RAB3IP: variants seen among roughly 807,000 people sequenced by gnomAD.
RAB3IP encodes rab-3A-interacting protein.
Under a neutral mutation model 59.1 loss-of-function variants are expected in RAB3IP, and 36 were observed. That is an observed-to-expected ratio of 0.61 (90% CI 0.47 to 0.80). The LOEUF is 0.80. RAB3IP is among the 30% of genes least tolerant of loss of function. The probability of loss-of-function intolerance (pLI) is 0.00; values close to 1 mark genes in which losing one functional copy is unlikely to be tolerated. For missense variants in RAB3IP, 511 were observed against 536.0 expected (o/e 0.95, Z 0.46); for synonymous variants, 207 against 191.2 (o/e 1.08, Z -0.68).
chr12:69,766,684 G>C (rs1174565034), intron 3 of RAB3IP, among the ~76,000 whole-genome samples: 1 of 151,836 alleles, frequency 6.6e-6, no homozygotes, highest in Non-Finnish European at 1.5e-5. Context: ...ACCATGCCCA[G>C]CTATTTTTTT....
intron 3 of RAB3IP, among the ~76,000 whole-genome samples, chr12:69,767,678 A>G (rs1053438584): frequency 2.0e-5 from 3 of 150,202 alleles, no homozygotes; most frequent in Admixed American, 6.6e-5. Flanking sequence ...AGCAGAGAGG[A>G]CCCCCCTATA....
At chr12:69,783,581 C>T (rs1350251841) in intron 3 of RAB3IP, among the ~76,000 whole-genome samples, 1 of 152,158 alleles carries the variant, frequency 6.6e-6, no homozygotes, top group Non-Finnish European at 1.5e-5. Context: ...CTCTTTGCTG[C>T]CTATAGGACT....
At chr12:69,775,293 C>T (rs1873721873) in intron 3 of RAB3IP, among the ~76,000 whole-genome samples, 1 of 124,312 alleles carries the variant, frequency 8.0e-6, no homozygotes, top group African/African-American at 3.1e-5. Flanking sequence ...AGTTGCTTAT[C>T]AGCTTAAGGA....
At chr12:69,802,035 G>C (rs1362245955) in intron 8 of RAB3IP, among the ~76,000 whole-genome samples, 1 of 149,776 alleles carries the variant, frequency 6.7e-6, no homozygotes, top group African/African-American at 2.5e-5. Context: ...ATATGATAGA[G>C]ATCCAGGTAA....
intron 1 of RAB3IP, among the ~76,000 whole-genome samples, chr12:69,743,653 C>G (rs1449624863): frequency 1.3e-5 from 2 of 152,212 alleles, no homozygotes; most frequent in Non-Finnish European, 2.9e-5. Flanking sequence ...TCAGTTCACA[C>G]AGCTTGTCAG....
In RAB3IP at chr12:69,795,573, AGTAT is replaced by A. The variant is rs1206094888; in HGVS notation, c.888+230_888+233del. 33 of 586,804 alleles carry A rather than the reference AGTAT, an allele frequency of 5.6e-5. No individual in the cohort carries two copies. In the East Asian group the frequency reaches 8.6e-4, roughly 15 times the overall value. The allele number at this position is 586,804 out of a possible 1,614,324, so 36.3% of individuals were successfully genotyped here. ...GAAACTTGGTAAGTTTCTTAATCTCAGTATTTCATTAAGGGAGGAAACTGTCATG... is the reference window on the plus strand; with the variant it reads ...GAAACTTGGTAAGTTTCTTAATCTCATTCATTAAGGGAGGAAACTGTCATG... On this transcript the variant is annotated intron_variant, in intron 6 of 10. Coordinates refer to ENST00000247833, the MANE Select transcript of RAB3IP (RefSeq NM_022456.5).
chr12:69,819,045 A>G lies in RAB3IP; in HGVS notation c.*3599A>G, dbSNP rs1400955771. 5 of 152,186 alleles carry G rather than the reference A, an allele frequency of 3.3e-5. No individual in the cohort carries two copies. The highest frequency in any genetic ancestry group is 9.7e-5 in the African/African-American group (4 of 41,442). 9.4% of individuals were successfully genotyped at this position (152,186 alleles called of 1,614,324 possible). On this transcript the variant is annotated 3_prime_UTR_variant, in exon 11 of 11. Transcript: ENST00000247833. The stretch of plus-strand genomic sequence containing the variant: ...ATGATTTCACCTGTGAATAGCTACT[A>G]TATTCCAACCTGGGCAACGTAGACC...
chr12:69,797,329 G>T (rs1290925717), intron 6 of RAB3IP, among the ~76,000 whole-genome samples: 1 of 152,176 alleles, frequency 6.6e-6, no homozygotes, highest in African/African-American at 2.4e-5. Flanking sequence ...TTGCACAGTT[G>T]TGAGGATTAA....
In RAB3IP at chr12:69,810,394, G is replaced by A. The variant is rs540887422; in HGVS notation, c.1131-2384G>A. On this transcript the variant is annotated intron_variant, in intron 8 of 10. Coordinates refer to ENST00000247833, the MANE Select transcript of RAB3IP (RefSeq NM_022456.5). ...TGCCTGTTCTCAGATCTCAAGCTGC[G>A]TGCTGGGAGAACCACTGCTCTCTTC... Among the ~76,000 whole-genome samples, 369 of 152,276 alleles carry A rather than the reference G, an allele frequency of 2.4e-3. 2 individuals are homozygous for A. The highest frequency in any genetic ancestry group is 4.5e-3 in the Non-Finnish European group (307 of 68,022).
At chr12:69,751,219 C>G (rs981017138) in intron 1 of RAB3IP, among the ~76,000 whole-genome samples, 1 of 152,026 alleles carries the variant, frequency 6.6e-6, no homozygotes, top group African/African-American at 2.4e-5. Context: ...AGATATTATC[C>G]TTTTTGATGT....
At chr12:69,745,873 T>TA (rs1459864692) in intron 1 of RAB3IP, among the ~76,000 whole-genome samples, 1 of 152,234 alleles carries the variant, frequency 6.6e-6, no homozygotes, top group Non-Finnish European at 1.5e-5. Context: ...AGTTAGGTGT[T>TA]AGAGTCAGAC....
At chr12:69,798,243 G>T (rs1442743376) in intron 6 of RAB3IP, among the ~76,000 whole-genome samples, 7 of 152,162 alleles carry the variant, frequency 4.6e-5, no homozygotes, top group Non-Finnish European at 8.8e-5. Context: ...GTATCTCATT[G>T]TGGTTTTGAT....
chr12:69,794,575 C>T (rs1877152075), intron 5 of RAB3IP, 61 bp downstream of exon 5: 3 of 1,285,978 alleles, frequency 2.3e-6, no homozygotes, highest in Admixed American at 2.1e-5. Flanking sequence ...TTAAAGATAC[C>T]TTAACATCTG....
chr12:69,804,492 T>G, intron 8 of RAB3IP, among the ~76,000 whole-genome samples: 1 of 152,252 alleles, frequency 6.6e-6, no homozygotes. Flanking sequence ...AGAAGCTCTT[T>G]AGTTTAATTA....
At chr12:69,757,041 G>A (rs1298307875) in intron 3 of RAB3IP, among the ~76,000 whole-genome samples, 2 of 152,244 alleles carry the variant, frequency 1.3e-5, no homozygotes, top group African/African-American at 4.8e-5. Flanking sequence ...AAGTCATTTT[G>A]TTTTGAGTTT....
At position 69,748,941 on chromosome 12, in the gene RAB3IP, A is replaced by G. The variant is rs1203392700; in HGVS notation, c.-25-6443A>G. ...TTTATGTGCTTGAAAAAGGGATTAA[A>G]TTTAATCTCAAAATAATCTCCTTTT... On this transcript the variant is annotated intron_variant, in intron 1 of 10. Coordinates refer to ENST00000247833, the MANE Select transcript of RAB3IP (RefSeq NM_022456.5). Among the ~76,000 whole-genome samples the G allele has an allele frequency of 2.0e-5, 3 of 152,320 alleles. No homozygotes were observed. The East Asian group carries it at 5.8e-4, about 29-fold the overall frequency.
At chr12:69,810,312 G>C (rs1880221463) in intron 8 of RAB3IP, among the ~76,000 whole-genome samples, 1 of 152,166 alleles carries the variant, frequency 6.6e-6, no homozygotes, top group Admixed American at 6.5e-5. Context: ...GCCCCTACTG[G>C]GGGGTGCCTC....
At chr12:69,743,760 G>A (rs148967786) in intron 1 of RAB3IP, among the ~76,000 whole-genome samples, 2 of 152,198 alleles carry the variant, frequency 1.3e-5, no homozygotes, top group Non-Finnish European at 2.9e-5. Context: ...TGATACTCTC[G>A]CAAAGTATTT....
At chr12:69,806,948 G>A (rs1360619097) in intron 8 of RAB3IP, among the ~76,000 whole-genome samples, 1 of 139,718 alleles carries the variant, frequency 7.2e-6, no homozygotes, top group African/African-American at 2.6e-5. Context: ...TCTTAGTCCA[G>A]AACAAAATGG....
Sources: allele counts gnomAD v4.1 joint callset (sites outside exome capture counted in the v4.1 genomes callset), GRCh38; gene constraint gnomAD v4.1.1; transcripts MANE v1.5; gene names NCBI Gene and HGNC (gene_info 2026-07-23, HGNC 2026-07-21).